The following GSN variants were observed in gnomAD, a reference collection of about 807,000 sequenced individuals.
The protein encoded by GSN is gelsolin.
In GSN, 56 loss-of-function variants were observed where a neutral mutation model predicts 85.7. The ratio of observed to expected loss-of-function variants is 0.65; its 90% confidence interval spans 0.53 to 0.82. The LOEUF (loss-of-function observed/expected upper bound fraction) is 0.82, where lower values mean the gene tolerates loss of function less well. GSN is among the 40% of genes least tolerant of loss of function. The pLI is 0.00. For synonymous variants in GSN, 373 were observed against 399.1 expected (o/e 0.93, Z 0.78); for missense variants, 857 against 979.8 (o/e 0.87, Z 1.67).
chr9:121,207,923 A>ATGTG (rs59140426), intron 1 of GSN: 10,946 of 139,394 alleles, frequency 0.079, 492 homozygotes, highest in Middle Eastern at 0.12. Flanking sequence ...TCTGGCTAAT[A>ATGTG]TGTGTGTGTG....
At chr9:121,204,644 G>A (rs1588386880), upstream of GSN, among the ~76,000 whole-genome samples, 1 of 152,122 alleles carries the variant, frequency 6.6e-6, no homozygotes, top group African/African-American at 2.4e-5. Flanking sequence ...TTAAAAAGTT[G>A]TTTCTATAAG....
chr9:121,273,982 A>G (rs951171618), intron 1 of GSN, among the ~76,000 whole-genome samples: 9 of 152,184 alleles, frequency 5.9e-5, no homozygotes, highest in Admixed American at 5.2e-4. Flanking sequence ...TGGGTATAAA[A>G]ACTTCTGGTG....
chr9:121,251,184 G>GTTTTTTTTTTTTT (rs1339859188), intron 6 of GSN, among the ~76,000 whole-genome samples: 6 of 6,350 alleles, frequency 9.4e-4, no homozygotes, highest in Non-Finnish European at 1.3e-3. Context: ...CAGCTGATGT[G>GTTTTTTTTTTTTT]TTCTTTTTTT....
rs1433029387 is a variant in GSN at position 121,317,111 on chromosome 9, C to T, written c.779C>T (p.Ser260Phe). The change falls in exon 8 of 18, where the codon TCC becomes TTC. Residue 260 changes from serine (S) to phenylalanine (F), a missense_variant. Coordinates refer to ENST00000432226, the MANE Select transcript of GSN (RefSeq NM_198252.3). ...GTCTCCAATGGTGCAGGGACCATGTCCGTCTCCCTCGTGGCTGATGAGAAC... is the reference window on the plus strand; with the variant it reads ...GTCTCCAATGGTGCAGGGACCATGTTCGTCTCCCTCGTGGCTGATGAGAAC... ...YKVSNGAGTMSVSLVADENPF... is the reference protein window; with the variant it reads ...YKVSNGAGTMFVSLVADENPF... The T allele has an allele frequency of 1.2e-6, 2 of 1,614,056 alleles. No individual in the cohort carries two copies. Among genetic ancestry groups the T allele is most frequent in the Non-Finnish European group, 1.7e-6 (2 of 1,180,028 alleles).
At chr9:121,203,637 G>A (rs1007265477), upstream of GSN, among the ~76,000 whole-genome samples, 4 of 152,176 alleles carry the variant, frequency 2.6e-5, no homozygotes, top group Non-Finnish European at 5.9e-5. Context: ...GTAAAAGTGT[G>A]TGCCAGTTTG....
At position 121,310,685 on chromosome 9, in the gene GSN, AAGG is replaced by A; in HGVS notation, c.357_359del (p.Gly120del). On this transcript the variant is annotated inframe_deletion and splice_region_variant, in exon 5 of 18. Transcript: ENST00000432226. Reference sequence around the variant, plus strand: ...AATGCTGTCTCTTTGGCCCCACAGAAAGGAGGTGTGGCATCAGGATTCAAGCAC... The same window carrying A: ...AATGCTGTCTCTTTGGCCCCACAGAAAGGTGTGGCATCAGGATTCAAGCAC... 1 of 1,613,932 alleles carries A rather than the reference AAGG, an allele frequency of 6.2e-7. No homozygotes were observed. The highest frequency in any genetic ancestry group is 8.5e-7 in the Non-Finnish European group (1 of 1,179,900).
At chr9:121,300,806 G>A (rs1165620340) in intron 2 of GSN, among the ~76,000 whole-genome samples, 4 of 152,154 alleles carry the variant, frequency 2.6e-5, no homozygotes, top group Non-Finnish European at 4.4e-5. Context: ...GGCAGACAGC[G>A]CAGGAGGCCA....
chr9:121,286,625 A>G (rs1177475885), intron 2 of GSN: 2 of 1,526,050 alleles, frequency 1.3e-6, no homozygotes, highest in East Asian at 4.9e-5. Flanking sequence ...TTGAATGACT[A>G]TTGGTGTTCC....
intron 6 of GSN, among the ~76,000 whole-genome samples, chr9:121,255,694 T>C (rs1311229452): frequency 6.6e-6 from 1 of 152,254 alleles, no homozygotes; most frequent in African/African-American, 2.4e-5. Flanking sequence ...ATGCATGTAT[T>C]ATGATTTATT....
At position 121,319,487 on chromosome 9, in the gene GSN, CT is replaced by C. The variant is rs754579668; in HGVS notation, c.1191+622del. ...CAACAGGCTCAGATTTATGCTTTAT[CT>C]TTTTTTTTTTTTTTAATAGAGACAG... On this transcript the variant is annotated intron_variant, in intron 10 of 17. Transcript: ENST00000432226. Among the ~76,000 whole-genome samples the C allele has an allele frequency of 6.4e-3, 901 of 140,860 alleles. 1 individual carries two copies. Among genetic ancestry groups the C allele is most frequent in the African/African-American group, 7.7e-3 (298 of 38,612 alleles). 92.4% of individuals were successfully genotyped at this position (140,860 alleles called of 152,430 possible). A position where few individuals can be genotyped will look rare whatever the true frequency, so the allele number is the denominator to read the frequency against.
intron 4 of GSN, among the ~76,000 whole-genome samples, chr9:121,213,064 C>T (rs552753827): frequency 2.6e-5 from 4 of 152,154 alleles, no homozygotes; most frequent in Non-Finnish European, 5.9e-5. Context: ...TTGAATTTTA[C>T]AGGTTTAATG....
intron 2 of GSN, among the ~76,000 whole-genome samples, chr9:121,289,426 G>A (rs548510635): frequency 1.3e-4 from 20 of 152,260 alleles, no homozygotes; most frequent in African/African-American, 4.3e-4. Flanking sequence ...TCCTCCCTCC[G>A]CTCCCCTCCC....
chr9:121,320,415 C>G (rs986359132), intron 10 of GSN, among the ~76,000 whole-genome samples: 1 of 152,110 alleles, frequency 6.6e-6, no homozygotes, highest in Non-Finnish European at 1.5e-5. Flanking sequence ...GTGGCCGAGG[C>G]GGGTGGATCA....
intron 5 of GSN, among the ~76,000 whole-genome samples, chr9:121,243,811 C>A (rs1049757938): frequency 1.2e-4 from 19 of 152,326 alleles, no homozygotes; most frequent in African/African-American, 4.6e-4. Flanking sequence ...CTCCTGACCT[C>A]AGGTGATCCA....
chr9:121,326,392 TC>T (rs2063168043), intron 12 of GSN, 119 bp from the exon 13 acceptor site: 1 of 824,500 alleles, frequency 1.2e-6, no homozygotes, highest in Admixed American at 1.9e-5. Context: ...CGGGTCACAT[TC>T]CATGCCACAC....
rs1003634475 is a variant in GSN, at chr9:121,299,538, A to T, written c.-9-2425A>T. ...TGGAGGTGTTAGGTGCGGAGAGGCG[A>T]GGGGGCTCGCGTGCGTCGCAGGAGG... On this transcript the variant is annotated intron_variant, in intron 2 of 17. Coordinates refer to ENST00000432226, the MANE Select transcript of GSN (RefSeq NM_198252.3). The surrounding 1 kb of genome is among the most constrained non-coding windows in gnomAD (Gnocchi z 4.2). 1 of 902,150 alleles carries T rather than the reference A, an allele frequency of 1.1e-6. No homozygotes were observed. The highest frequency in any genetic ancestry group is 1.8e-5 in the African/African-American group (1 of 55,514). 55.9% of individuals were successfully genotyped at this position (902,150 alleles called of 1,614,324 possible).
Position 121,326,554 on chromosome 9 carries a change from C to G in GSN, c.1459C>G (p.Leu487Val). The G allele has an allele frequency of 1.9e-6, 3 of 1,614,070 alleles. No homozygotes were observed. Among genetic ancestry groups the G allele is most frequent in the Non-Finnish European group, 2.5e-6 (3 of 1,180,010 alleles). Residue 487 changes from leucine (L) to valine (V), a missense_variant, in exon 13 of 18, where the codon CTG becomes GTG. Leu to Val is a conservative substitution (Grantham distance 32). Transcript: ENST00000432226. ...CAAGGAGCCCGCCCACCTCATGAGC[C>G]TGTTTGGTGGGAAGCCCATGATCAT... ...QGKEPAHLMSLFGGKPMIIYK... is the reference protein window; with the variant it reads ...QGKEPAHLMSVFGGKPMIIYK...
intron 2 of GSN, among the ~76,000 whole-genome samples, chr9:121,292,465 A>T (rs143245610): frequency 6.6e-6 from 1 of 152,274 alleles, no homozygotes; most frequent in African/African-American, 2.4e-5. Context: ...AGTGAGCTGT[A>T]TGTGTGTATA....
At chr9:121,303,764 C>T (rs4837836) in intron 4 of GSN, among the ~76,000 whole-genome samples, 5 of 152,074 alleles carry the variant, frequency 3.3e-5, no homozygotes, top group African/African-American at 7.2e-5. Context: ...AAATGCCTTG[C>T]GTGGGGCTTG....
Sources: allele counts gnomAD v4.1 joint callset (sites outside exome capture counted in the v4.1 genomes callset), GRCh38; gene constraint gnomAD v4.1.1; non-coding constraint Gnocchi (gnomAD v3.1); transcripts MANE v1.5; gene names NCBI Gene and HGNC (gene_info 2026-07-23, HGNC 2026-07-21).